Variants in MRAS observed in about 807,000 individuals in gnomAD.
MRAS encodes the protein muscle RAS oncogene homolog, also known as ras-related protein M-Ras.
A neutral mutation model predicts 20.9 loss-of-function variants in MRAS; 4 were observed. The ratio of observed to expected loss-of-function variants is 0.19; its 90% CI spans 0.09 to 0.44. The LOEUF (loss-of-function observed/expected upper bound fraction) is 0.44, where lower values mean the gene tolerates loss of function less well. Ranked by LOEUF, MRAS falls within the 20% of genes least tolerant of loss-of-function variation. The pLI is 0.99. For missense variants in MRAS, 154 were observed against 277.5 expected, an observed-to-expected ratio of 0.56 and a Z score of 3.16; for synonymous variants, 98 against 102.9, an observed-to-expected ratio of 0.95 and a Z score of 0.29.
chr3:138,401,288 T>C (rs2055354589), intron 5 of MRAS, among the ~76,000 whole-genome samples: 1 of 152,164 alleles, frequency 6.6e-6, no homozygotes, highest in Non-Finnish European at 1.5e-5. Context: ...TCAGACATTG[T>C]GCGTTGAGTT....
At chr3:138,383,356 G>T (rs1189081426) in intron 2 of MRAS, among the ~76,000 whole-genome samples, 1 of 151,944 alleles carries the variant, frequency 6.6e-6, no homozygotes, top group Non-Finnish European at 1.5e-5. Flanking sequence ...TTAGACACAG[G>T]GTCTCACCGT....
At position 138,351,109 on chromosome 3, in the gene MRAS, T is replaced by C. The variant is rs1013624442; in HGVS notation, c.-19+2342T>C. Among the ~76,000 whole-genome samples, 5 of 152,174 alleles carry C rather than the reference T, an allele frequency of 3.3e-5. 1 individual carries two copies. The highest frequency in any genetic ancestry group is 1.5e-5 in the Non-Finnish European group (1 of 68,038). On this transcript the variant is annotated intron_variant, in intron 1 of 5. Coordinates refer to ENST00000423968, the MANE Select transcript of MRAS (RefSeq NM_001085049.3). The stretch of plus-strand genomic sequence containing the variant: ...AGTCAGAATCACATGTTGACCAGCC[T>C]CCTGGATCTAGTGAGTTCTCAGGGA...
chr3:138,357,117 T>C (rs751056428), intron 1 of MRAS, among the ~76,000 whole-genome samples: 3 of 152,238 alleles, frequency 2.0e-5, no homozygotes, highest in Non-Finnish European at 4.4e-5. Flanking sequence ...ACCATTCTAA[T>C]AGAGCATTTA....
rs771173899 is a variant in MRAS at position 138,372,850 on chromosome 3, T to C, written c.-18-16T>C. 6.7e-7 allele frequency: 1 copy of C among 1,486,112 alleles called. No individual in the cohort carries two copies. The highest frequency in any genetic ancestry group is 8.9e-7 in the Non-Finnish European group (1 of 1,121,788). 92.1% of individuals were successfully genotyped at this position (1,486,112 alleles called of 1,614,324 possible). A position where few individuals can be genotyped will look rare whatever the true frequency, so the allele number is the denominator to read the frequency against. ...AAAAAGCCCTCTGTCTCATTCCACA[T>C]GTCTTGCTGCCGCAGGTCTGACCTA... is the stretch of plus-strand genomic sequence containing the variant. On this transcript the variant is annotated splice_polypyrimidine_tract_variant and intron_variant, in intron 1 of 5. Coordinates refer to ENST00000423968, the MANE Select transcript of MRAS (RefSeq NM_001085049.3).
chr3:138,351,551 A>C (rs528310998), intron 1 of MRAS, among the ~76,000 whole-genome samples: 20 of 152,344 alleles, frequency 1.3e-4, no homozygotes, highest in African/African-American at 4.6e-4. Flanking sequence ...AGTCCCTGTC[A>C]GCCCTCCTAA....
At chr3:138,362,795 G>A (rs984624989) in intron 1 of MRAS, among the ~76,000 whole-genome samples, 2 of 152,096 alleles carry the variant, frequency 1.3e-5, no homozygotes, top group Non-Finnish European at 2.9e-5. Flanking sequence ...GGCACCGTGC[G>A]TGGTATAGGG....
intron 1 of MRAS, among the ~76,000 whole-genome samples, chr3:138,353,528 C>T (rs533051674): frequency 6.6e-6 from 1 of 152,328 alleles, no homozygotes; most frequent in African/African-American, 2.4e-5. Context: ...TCCCTTCTTC[C>T]CTTAACCTGT....
At chr3:138,372,246 C>G (rs1197023616) in intron 1 of MRAS, among the ~76,000 whole-genome samples, 1 of 152,126 alleles carries the variant, frequency 6.6e-6, no homozygotes, top group Non-Finnish European at 1.5e-5. Context: ...AGCATCAAAA[C>G]AAAACTTCGA....
At chr3:138,359,508 T>G (rs2054402246) in intron 1 of MRAS, among the ~76,000 whole-genome samples, 1 of 152,230 alleles carries the variant, frequency 6.6e-6, no homozygotes, top group Non-Finnish European at 1.5e-5. Context: ...GTCTTTCTTA[T>G]TTTTGGTCAA....
chr3:138,396,862 G>A (rs114198257), intron 2 of MRAS, among the ~76,000 whole-genome samples: 2,077 of 152,200 alleles, frequency 0.014, 22 homozygotes, highest in Middle Eastern at 0.034. Flanking sequence ...CTCCCCTAGG[G>A]GGTGCAAGGT....
chr3:138,402,475 A>G lies in MRAS; in HGVS notation c.*206A>G, dbSNP rs2055380629. The G allele has an allele frequency of 1.9e-6, 1 of 521,836 alleles. No individual in the cohort carries two copies. The allele number at this position is 521,836 out of a possible 1,614,324, so 32.3% of individuals were successfully genotyped here. On this transcript the variant is annotated 3_prime_UTR_variant, in exon 6 of 6. Coordinates refer to ENST00000423968, the MANE Select transcript of MRAS (RefSeq NM_001085049.3). ...TTTCCCACCTCTCAAAGAGACAAGG[A>G]AGCCACCTGTAAGCAGAAGCAGCAT...
At chr3:138,399,867 C>T (rs535547959) in intron 4 of MRAS, among the ~76,000 whole-genome samples, 3 of 152,336 alleles carry the variant, frequency 2.0e-5, no homozygotes, top group Admixed American at 6.5e-5. Flanking sequence ...CAGCCCGAGG[C>T]TTGGTGCAGA....
chr3:138,365,541 G>A (rs937955427), intron 1 of MRAS, among the ~76,000 whole-genome samples: 20 of 152,228 alleles, frequency 1.3e-4, no homozygotes, highest in African/African-American at 4.6e-4. Flanking sequence ...CAGTCCAGGT[G>A]TGATCCTGGC....
chr3:138,400,563 C>T lies in MRAS; in HGVS notation c.477C>T (p.Asp159=). 1.2e-6 allele frequency: 2 copies of T among 1,613,628 alleles called. No homozygotes were observed. The highest frequency in any genetic ancestry group is 1.7e-6 in the Non-Finnish European group (2 of 1,179,536). ...CGTACATAGAAACCAGTGCCAAGGA[C>T]CCACCTCTCAATGTCGACAAAGCCT... ...NIPYIETSAK[D]PPLNVDKAFH... The change falls in exon 5 of 6, where the codon GAC becomes GAT. Residue 159 remains aspartate, a synonymous_variant. Transcript: ENST00000423968.
chr3:138,365,304 T>G (rs976136566), intron 1 of MRAS, among the ~76,000 whole-genome samples: 1 of 152,258 alleles, frequency 6.6e-6, no homozygotes, highest in East Asian at 1.9e-4. Context: ...ATACCTACTC[T>G]GAGACTCAGT....
intron 1 of MRAS, among the ~76,000 whole-genome samples, chr3:138,351,219 C>T (rs2054220598): frequency 6.6e-6 from 1 of 151,256 alleles, no homozygotes; most frequent in Non-Finnish European, 1.5e-5. Flanking sequence ...CAGAGTGTGT[C>T]TCCCTGAAAG....
intron 2 of MRAS, among the ~76,000 whole-genome samples, chr3:138,391,603 A>T (rs1041675318): frequency 2.6e-5 from 4 of 152,246 alleles, no homozygotes; most frequent in Non-Finnish European, 4.4e-5. Context: ...AATTATTTTC[A>T]GTCTATGTGT....
Position 138,372,979 on chromosome 3 carries a change from G to A in MRAS, c.96G>A (p.Gln32=). 6.4e-7 allele frequency: 1 copy of A among 1,572,068 alleles called. No individual in the cohort carries two copies. Among genetic ancestry groups the A allele is most frequent in the Non-Finnish European group, 8.6e-7 (1 of 1,161,780 alleles). Residue 32 remains glutamine (Q), a synonymous_variant, in exon 2 of 6, where the codon CAG becomes CAA. Transcript: ENST00000423968. ...TGGGCAAAAGTGCCCTCACCATCCAGTTTTTCCAGAAGATCTTTGTGCCTG... is the reference window on the plus strand; with the variant it reads ...TGGGCAAAAGTGCCCTCACCATCCAATTTTTCCAGAAGATCTTTGTGCCTG... ...GGVGKSALTI[Q]FFQKIFVPDY... is the part of the protein sequence containing the mutation.
intron 1 of MRAS, among the ~76,000 whole-genome samples, chr3:138,359,930 A>G (rs2054410656): frequency 6.6e-6 from 1 of 152,224 alleles, no homozygotes; most frequent in Non-Finnish European, 1.5e-5. Context: ...CAGTATTTAA[A>G]ATAATAAAAT....
Sources: gnomAD v4.1 joint callset for allele counts (sites outside exome capture counted in the v4.1 genomes callset) on GRCh38, gnomAD v4.1.1 for gene constraint, MANE v1.5 for transcripts, NCBI Gene and HGNC (gene_info 2026-07-23, HGNC 2026-07-21) for gene names.